RSRC1: variants seen among roughly 807,000 people sequenced by gnomAD.
The protein encoded by RSRC1 is serine/Arginine-related protein 53.
In RSRC1, 39 loss-of-function variants were observed where a neutral mutation model predicts 49.1. The ratio of observed to expected loss-of-function variants is 0.79; its 90% CI spans 0.61 to 1.04. The LOEUF (loss-of-function observed/expected upper bound fraction) is 1.04. Among genes scored for constraint, RSRC1 ranks in the 50% least tolerant of loss-of-function variants. RSRC1 has a pLI of 0.00. For missense variants in RSRC1, 388 were observed against 402.4 expected (o/e 0.96, Z 0.31); for synonymous variants, 143 against 130.8 (o/e 1.09, Z -0.63).
Position 158,507,065 on chromosome 3 carries a change from A to G in RSRC1, c.653-30027A>G, listed in dbSNP as rs75420430. Among the ~76,000 whole-genome samples, 1,511 of 152,080 alleles carry G rather than the reference A, an allele frequency of 9.9e-3. 16 individuals are homozygous for G. The highest frequency in any genetic ancestry group is 0.035 in the African/African-American group (1,441 of 41,522). On this transcript the variant is annotated intron_variant, in intron 7 of 9. Coordinates refer to ENST00000611884, the MANE Select transcript of RSRC1 (RefSeq NM_001271838.2). ...ATGGAATATTATTCAGCCACAAATA[A>G]AAGAGTGAAATCCTGTTATTTGCAG...
chr3:158,320,382 T>C (rs1179452335), intron 5 of RSRC1, among the ~76,000 whole-genome samples: 1 of 152,234 alleles, frequency 6.6e-6, no homozygotes, highest in Non-Finnish European at 1.5e-5. Context: ...GTTTGTTCTG[T>C]TATATGTAAT....
At chr3:158,372,381 A>C (rs1039166730) in intron 6 of RSRC1, among the ~76,000 whole-genome samples, 1 of 151,832 alleles carries the variant, frequency 6.6e-6, no homozygotes. Flanking sequence ...ATATCTTATT[A>C]TTCCAGTGCC....
Position 158,143,473 on chromosome 3 carries a change from G to A in RSRC1, c.320+19482G>A, listed in dbSNP as rs59628555. ...ATGTATATCAAAGTTAAATAGTAGG[G>A]ACATTACTTATTTTTTTAAATGAAA... On this transcript the variant is annotated intron_variant, in intron 3 of 9. Transcript: ENST00000611884. Among the ~76,000 whole-genome samples, 500 of 152,094 alleles carry A rather than the reference G, an allele frequency of 3.3e-3. 4 individuals are homozygous for A. The highest frequency in any genetic ancestry group is 0.012 in the African/African-American group (487 of 41,504).
At chr3:158,144,287 C>T (rs1272409331) in intron 3 of RSRC1, among the ~76,000 whole-genome samples, 6 of 152,122 alleles carry the variant, frequency 3.9e-5, no homozygotes, top group Non-Finnish European at 7.3e-5. Context: ...CTCCCCCCTC[C>T]TCCCACCCCT....
At chr3:158,321,009 C>T (rs949314069) in intron 5 of RSRC1, among the ~76,000 whole-genome samples, 5 of 151,984 alleles carry the variant, frequency 3.3e-5, no homozygotes, top group South Asian at 2.1e-4. Context: ...TGATAAAAAC[C>T]GGGATTCTCT....
chr3:158,354,957 C>T (rs991959556), intron 6 of RSRC1, 49 bp downstream of exon 6: 1 of 1,283,776 alleles, frequency 7.8e-7, no homozygotes, highest in Non-Finnish European at 1.1e-6. Flanking sequence ...GACGAGTAAA[C>T]CCTAGGCTGG....
At chr3:158,362,417 C>G (rs1357903690) in intron 6 of RSRC1, among the ~76,000 whole-genome samples, 1 of 152,180 alleles carries the variant, frequency 6.6e-6, no homozygotes, top group Non-Finnish European at 1.5e-5. Flanking sequence ...AGTACTACAT[C>G]AGAGAACATT....
chr3:158,149,239 G>T (rs188415643), intron 3 of RSRC1, among the ~76,000 whole-genome samples: 1 of 152,204 alleles, frequency 6.6e-6, no homozygotes, highest in Non-Finnish European at 1.5e-5. Flanking sequence ...AAGCTCCTTT[G>T]ATATTTCTAT....
chr3:158,162,897 G>T (rs1718316560), intron 3 of RSRC1, among the ~76,000 whole-genome samples: 1 of 152,152 alleles, frequency 6.6e-6, no homozygotes, highest in Admixed American at 6.5e-5. Context: ...AAACAGAAAT[G>T]ATATTCGTTA....
At chr3:158,277,291 G>A (rs996484090) in intron 4 of RSRC1, among the ~76,000 whole-genome samples, 3 of 152,146 alleles carry the variant, frequency 2.0e-5, no homozygotes, top group African/African-American at 7.2e-5. Context: ...ATGCTGATCT[G>A]TAATGAGATT....
intron 4 of RSRC1, among the ~76,000 whole-genome samples, chr3:158,231,558 G>T (rs1053974763): frequency 4.6e-5 from 7 of 152,080 alleles, no homozygotes. Context: ...TGTGTAACTC[G>T]CTTGTGGCCA....
chr3:158,209,302 T>G (rs1721526563), intron 4 of RSRC1, among the ~76,000 whole-genome samples: 1 of 152,106 alleles, frequency 6.6e-6, no homozygotes, highest in Admixed American at 6.6e-5. Flanking sequence ...AGGTTTCTTA[T>G]AAGGCTTCCC....
At chr3:158,151,676 T>C (rs1559920407) in intron 3 of RSRC1, among the ~76,000 whole-genome samples, 1 of 152,190 alleles carries the variant, frequency 6.6e-6, no homozygotes, top group Admixed American at 6.6e-5. Context: ...ACCAGTATTC[T>C]TAAAATCTAG....
intron 6 of RSRC1, among the ~76,000 whole-genome samples, chr3:158,458,862 C>A (rs570709952): frequency 3.9e-5 from 6 of 152,196 alleles, no homozygotes; most frequent in African/African-American, 1.4e-4. Flanking sequence ...GCCATGAGTT[C>A]TTCCTTTATT....
chr3:158,358,495 C>T (rs1731281564), intron 6 of RSRC1, among the ~76,000 whole-genome samples: 1 of 152,184 alleles, frequency 6.6e-6, no homozygotes, highest in African/African-American at 2.4e-5. Context: ...GCCATCACCA[C>T]TTGTTCTGTA....
At chr3:158,119,499 T>C (rs1378920977) in intron 1 of RSRC1, among the ~76,000 whole-genome samples, 1 of 152,122 alleles carries the variant, frequency 6.6e-6, no homozygotes. Context: ...GGTTATTTGT[T>C]TGTGAGGAAC....
At chr3:158,165,589 T>C (rs1261986426) in intron 3 of RSRC1, among the ~76,000 whole-genome samples, 2 of 152,218 alleles carry the variant, frequency 1.3e-5, no homozygotes, top group Non-Finnish European at 2.9e-5. Context: ...TCAGCTTAAA[T>C]GCATTTTCTT....
chr3:158,438,807 G>A (rs957205747), intron 6 of RSRC1, among the ~76,000 whole-genome samples: 24 of 152,032 alleles, frequency 1.6e-4, no homozygotes, highest in South Asian at 4.1e-4. Flanking sequence ...ACAAAAGCCA[G>A]AATTGACAAA....
chr3:158,498,264 G>T (rs1461712751), intron 7 of RSRC1, among the ~76,000 whole-genome samples: 2 of 151,698 alleles, frequency 1.3e-5, no homozygotes, highest in East Asian at 3.9e-4. Flanking sequence ...GTTCTTGCAG[G>T]AGTAAAGTAG....
Sources: allele counts gnomAD v4.1 joint callset (sites outside exome capture counted in the v4.1 genomes callset), GRCh38; gene constraint gnomAD v4.1.1; transcripts MANE v1.5; gene names NCBI Gene and HGNC (gene_info 2026-07-23, HGNC 2026-07-21).